KCP: variants seen among roughly 807,000 people sequenced by gnomAD.
The protein encoded by KCP is kielin cysteine rich BMP regulator, also known as kielin/chordin-like protein.
Under a neutral mutation model 212.7 loss-of-function variants are expected in KCP, and 194 were observed. That is an observed-to-expected ratio of 0.91 (90% CI 0.81 to 1.03). The LOEUF (loss-of-function observed/expected upper bound fraction) is 1.03, where lower values mean the gene tolerates loss of function less well. KCP is among the 50% of genes least tolerant of loss of function. KCP has a pLI of 0.00. For missense variants in KCP, 2,080 were observed against 2,162.5 expected (o/e 0.96, Z 0.76); for synonymous variants, 833 against 865.3 (o/e 0.96, Z 0.65).
chr7:128,906,199 G>T, intron 5 of KCP, 80 bp downstream of exon 5: 2 of 1,224,798 alleles, frequency 1.6e-6, no homozygotes, highest in Non-Finnish European at 2.4e-6. Context: ...GCATGTCCCA[G>T]ACTCACTGAG....
Position 128,894,020 on chromosome 7 carries a change from C to G in KCP, c.961G>C (p.Glu321Gln). 2 of 1,550,200 alleles carry G rather than the reference C, an allele frequency of 1.3e-6. No individual in the cohort carries two copies. The highest frequency in any genetic ancestry group is 2.4e-5 in the East Asian group (1 of 40,896). ...FLNGREHRSGEPVGSGDPCSH... is the reference protein window; with the variant it reads ...FLNGREHRSGQPVGSGDPCSH... ...CAGGGGTCCCCTGAGCCCACAGGCT[C>G]CCCGCTGCGGTGCTCCCGCCCGTTT... is the stretch of plus-strand genomic sequence containing the variant. The change falls in exon 10 of 40, where the codon GAG (glutamate) becomes CAG (glutamine). Residue 321 changes from glutamate to glutamine, a missense_variant. Glu to Gln is a conservative substitution (Grantham distance 29). Coordinates refer to ENST00000610776, the MANE Select transcript of KCP (RefSeq NM_001366122.1).
chr7:128,890,621 G>T (rs1794042437), intron 20 of KCP, 108 bp from the exon 21 acceptor site: 1 of 900,202 alleles, frequency 1.1e-6, no homozygotes, highest in Non-Finnish European at 1.6e-6. Flanking sequence ...GGGGCCGTGG[G>T]GGCTGGAGGT....
chr7:128,880,927 G>A (rs1011395632), intron 32 of KCP, 70 bp downstream of exon 32: 17 of 398,974 alleles, frequency 4.3e-5, no homozygotes, highest in Middle Eastern at 6.2e-4. Flanking sequence ...ATCTGCTGGT[G>A]GAGTGTTGGA....
intron 39 of KCP, 36 bp from the exon 40 acceptor site, chr7:128,877,347 C>G (rs1224099557): frequency 6.5e-7 from 1 of 1,527,044 alleles, no homozygotes; most frequent in East Asian, 2.5e-5. Flanking sequence ...TACCAAGGCA[C>G]CTGAAACTGC....
chr7:128,882,042 G>A (rs554252910), intron 29 of KCP, 26 bp from the exon 30 acceptor site: 44 of 1,527,300 alleles, frequency 2.9e-5, no homozygotes, highest in Middle Eastern at 1.7e-4. Flanking sequence ...TCCAGAGTGC[G>A]GGACAGAAAG....
chr7:128,888,465 A>AAC (rs972388759), intron 22 of KCP, among the ~76,000 whole-genome samples: 7 of 109,386 alleles, frequency 6.4e-5, no homozygotes, highest in African/African-American at 1.8e-4. Flanking sequence ...CACACAGAGC[A>AAC]ACACACACAC....
intron 2 of KCP, 54 bp from the exon 3 acceptor site, chr7:128,907,507 C>A (rs1795187237): frequency 8.0e-7 from 1 of 1,247,730 alleles, no homozygotes; most frequent in African/African-American, 1.5e-5. Flanking sequence ...CCACCATCTC[C>A]AGTAGAGATG....
chr7:128,878,741 G>C lies in KCP; in HGVS notation c.4147-19C>G, dbSNP rs917301611. The C allele has an allele frequency of 1.2e-5, 18 of 1,545,432 alleles. No homozygotes were observed. In the African/African-American group the frequency reaches 2.5e-4, roughly 21 times the overall value. On this transcript the variant is annotated intron_variant, in intron 37 of 39. Coordinates refer to ENST00000610776, the MANE Select transcript of KCP (RefSeq NM_001366122.1). ...ACAGCACCTGTGTGGAGAGGCCTGA[G>C]ACTGGGGAGCAGGGAAGGACAGGGG...
chr7:128,906,848 C>T (rs1245761701), intron 4 of KCP, among the ~76,000 whole-genome samples: 6 of 151,868 alleles, frequency 4.0e-5, no homozygotes, highest in African/African-American at 1.4e-4. Flanking sequence ...ATTACTTTTG[C>T]ACCAACCTAA....
chr7:128,899,590 CTT>C (rs918100378), intron 8 of KCP, among the ~76,000 whole-genome samples: 1 of 152,156 alleles, frequency 6.6e-6, no homozygotes, highest in Non-Finnish European at 1.5e-5. Flanking sequence ...GTCAAGGACA[CTT>C]TTTCTGAGCT....
chr7:128,893,094 A>AC lies in KCP; in HGVS notation c.1268-74dup, dbSNP rs1794278818. ...TCCCTGTCCTTCCCAGGACACAGGG[A>AC]CCCCACCTTCGCCATCCCCGCTGAC... is the stretch of plus-strand genomic sequence containing the variant. On this transcript the variant is annotated intron_variant, in intron 13 of 39. Coordinates refer to ENST00000610776, the MANE Select transcript of KCP (RefSeq NM_001366122.1). 3.1e-6 allele frequency: 3 copies of AC among 964,672 alleles called. No homozygotes were observed. The East Asian group carries it at 7.9e-5, about 25-fold the overall frequency. 59.8% of individuals were successfully genotyped at this position (964,672 alleles called of 1,614,324 possible).
intron 38 of KCP, 132 bp downstream of exon 38, chr7:128,878,426 C>T (rs940144270): frequency 1.8e-5 from 18 of 1,020,886 alleles, no homozygotes; most frequent in Non-Finnish European, 2.5e-5. Context: ...CCCCACACCT[C>T]CCTGAAAGCC....
At chr7:128,902,981 T>A in intron 7 of KCP, 122 bp from the exon 8 acceptor site, 1 of 733,814 alleles carries the variant, frequency 1.4e-6, no homozygotes, top group Non-Finnish European at 2.3e-6. Context: ...CAAGACTAGA[T>A]GGGGTCAGAT....
intron 8 of KCP, among the ~76,000 whole-genome samples, chr7:128,901,181 G>T (rs1342280802): frequency 6.6e-6 from 1 of 152,202 alleles, no homozygotes; most frequent in Non-Finnish European, 1.5e-5. Context: ...ATGTCAGGAA[G>T]TTACCCTATA....
Position 128,877,730 on chromosome 7 carries a change from G to T in KCP, c.4372C>A (p.Arg1458=), listed in dbSNP as rs761847040. 6.4e-7 allele frequency: 1 copy of T among 1,550,842 alleles called. No individual in the cohort carries two copies. The highest frequency in any genetic ancestry group is 8.7e-7 in the Non-Finnish European group (1 of 1,146,968). ...CSAGREVDPC[R]AAGYRARREA... is the part of the protein sequence containing the mutation. ...CGCCTGGCACGGTAACCTGCTGCCC[G>T]GCACGGATCCACCTCTCGGCCTGCA... Residue 1458 remains arginine (R), a synonymous_variant, in exon 39 of 40, where the codon CGG becomes AGG. Coordinates refer to ENST00000610776, the MANE Select transcript of KCP (RefSeq NM_001366122.1).
chr7:128,907,432 C>T lies in KCP; in HGVS notation c.241G>A (p.Val81Met). 6.7e-7 allele frequency: 1 copy of T among 1,501,652 alleles called. No homozygotes were observed. Among genetic ancestry groups the T allele is most frequent in the Non-Finnish European group, 9.0e-7 (1 of 1,115,218 alleles). The allele number at this position is 1,501,652 out of a possible 1,614,324, so 93.0% of individuals were successfully genotyped here. ...CACTCACAGGACTCCAGCTGCCTCA[C>T]CCTCGTCTGCAGGTCCTTATTCTGG... is the stretch of plus-strand genomic sequence containing the variant. The part of the protein sequence containing the change: ...REQNKDLQTR[V>M]RQLESCECHP... The change falls in exon 3 of 40, where the codon GTG becomes ATG. Residue 81 changes from valine (V) to methionine (M), a missense_variant. By Grantham distance (21) the Val-to-Met change is conservative. Transcript: ENST00000610776.
intron 21 of KCP, among the ~76,000 whole-genome samples, chr7:128,889,444 T>G (rs1793948226): frequency 6.6e-6 from 1 of 152,152 alleles, no homozygotes. Context: ...AGCCCACTGA[T>G]GAATCCAGGA....
At chr7:128,894,706 A>G (rs1794412865) in intron 8 of KCP, among the ~76,000 whole-genome samples, 1 of 152,176 alleles carries the variant, frequency 6.6e-6, no homozygotes, top group Admixed American at 6.5e-5. Context: ...TCCTGGGTTC[A>G]AGCGATTCTC....
Position 128,884,116 on chromosome 7 carries a change from G to T in KCP, c.3130C>A (p.Pro1044Thr). The part of the protein sequence containing the change: ...PCEVCICEPQ[P>T]EGPPSLRCHR... Reference sequence around the variant, plus strand: ...CAGCGAAGGCTGGGAGGCCCCTCAGGCTGTGGCTACAAGAATGAGTGAGCA... The same window carrying T: ...CAGCGAAGGCTGGGAGGCCCCTCAGTCTGTGGCTACAAGAATGAGTGAGCA... Residue 1044 changes from proline to threonine, a missense_variant, in exon 29 of 40, where the codon CCT becomes ACT. Physicochemically the swap from Pro to Thr is conservative, Grantham distance 38. Transcript: ENST00000610776. 1 of 1,543,648 alleles carries T rather than the reference G, an allele frequency of 6.5e-7. No homozygotes were observed. Among genetic ancestry groups the T allele is most frequent in the Non-Finnish European group, 8.7e-7 (1 of 1,144,954 alleles).
Sources: gnomAD v4.1 joint callset for allele counts (sites outside exome capture counted in the v4.1 genomes callset) on GRCh38, gnomAD v4.1.1 for gene constraint, MANE v1.5 for transcripts, NCBI Gene and HGNC (gene_info 2026-07-23, HGNC 2026-07-21) for gene names.